The following IGF2 variants were observed in gnomAD, a reference collection of about 807,000 sequenced individuals.
IGF2 encodes insulin-like growth factor 2.
In IGF2, 2 loss-of-function variants were observed where a neutral mutation model predicts 12.0. That is an observed-to-expected ratio of 0.17 (90% CI 0.07 to 0.52). The LOEUF (loss-of-function observed/expected upper bound fraction) is 0.52. Among genes scored for constraint, IGF2 ranks in the 20% least tolerant of loss-of-function variants. The pLI, the probability that IGF2 is intolerant of heterozygous loss-of-function variation, is 0.95. For missense variants in IGF2, 211 were observed against 268.0 expected (o/e 0.79, Z 1.48); for synonymous variants, 105 against 110.1 (o/e 0.95, Z 0.29).
At chr11:2,140,706 C>T (rs777495683), upstream of IGF2, 27 of 458,572 alleles carry the variant, frequency 5.9e-5, 1 homozygote, top group South Asian at 3.9e-4. Flanking sequence ...AGCCGCCAGC[C>T]GCAAGTCCGC....
At chr11:2,143,723 C>G (rs1053786277), upstream of IGF2, among the ~76,000 whole-genome samples, 5 of 152,228 alleles carry the variant, frequency 3.3e-5, no homozygotes, top group African/African-American at 1.2e-4. Flanking sequence ...CGGAAATTAA[C>G]GTCCAAGAAA....
chr11:2,135,250 G>A (rs562350302), intron 2 of IGF2, 117 bp downstream of exon 2: 3 of 952,642 alleles, frequency 3.1e-6, no homozygotes, highest in Non-Finnish European at 4.6e-6. Flanking sequence ...CAAAGTCTCA[G>A]AGCAAGCGGC....
chr11:2,135,841 G>A (rs1165678492), intron 1 of IGF2, among the ~76,000 whole-genome samples: 5 of 152,166 alleles, frequency 3.3e-5, no homozygotes, highest in South Asian at 2.1e-4. Context: ...GGAGCTCAGC[G>A]GCATCCACAG....
In IGF2 at chr11:2,133,278, G is replaced by A; in HGVS notation, c.307-55C>T. The A allele has an allele frequency of 7.7e-7, 1 of 1,295,272 alleles. No individual in the cohort carries two copies. Among genetic ancestry groups the A allele is most frequent in the South Asian group, 1.5e-5 (1 of 68,510 alleles). The allele number at this position is 1,295,272 out of a possible 1,614,324, so 80.2% of individuals were successfully genotyped here. ...GCCTGCTCTCCACGCTCTTCCGCCT[G>A]AGCCGCCCGCCTGACCTGACAGGCC... On this transcript the variant is annotated intron_variant, in intron 3 of 3. Transcript: ENST00000416167. The surrounding 1 kb of genome is among the most constrained non-coding windows in gnomAD (Gnocchi z 8.9).
chr11:2,148,884 AGCC>A, the IGF2 span: 2 of 556,388 alleles, frequency 3.6e-6, no homozygotes, highest in Non-Finnish European at 3.2e-6. The surrounding 1 kb of genome is among the most constrained non-coding windows in gnomAD (Gnocchi z 4.3). Flanking sequence ...TCCTTGCAAA[AGCC>A]TCAGTGGCTT....
At chr11:2,136,631 T>G (rs1859078693) in intron 1 of IGF2, among the ~76,000 whole-genome samples, 1 of 152,260 alleles carries the variant, frequency 6.6e-6, no homozygotes, top group African/African-American at 2.4e-5. Flanking sequence ...CAATAAATTA[T>G]GTGAGCGACT....
At chr11:2,137,730 T>C (rs1241367119) in intron 1 of IGF2, among the ~76,000 whole-genome samples, 1 of 152,160 alleles carries the variant, frequency 6.6e-6, no homozygotes. Flanking sequence ...GTCGCGAATG[T>C]GGCGTCTGCC....
At chr11:2,145,312 G>C (rs567865802), upstream of IGF2, among the ~76,000 whole-genome samples, 11 of 152,332 alleles carry the variant, frequency 7.2e-5, no homozygotes, top group East Asian at 1.7e-3. Flanking sequence ...AGGAGCATTT[G>C]AAAGGTGCCT....
rs764594291 is a variant in IGF2 at position 2,129,240 on chromosome 11, A to T, written c.*3747T>A. The T allele has an allele frequency of 7.4e-5, 15 of 203,872 alleles. No individual in the cohort carries two copies. The highest frequency in any genetic ancestry group is 1.4e-4 in the Non-Finnish European group (14 of 99,436). 12.6% of individuals were successfully genotyped at this position (203,872 alleles called of 1,614,324 possible). On this transcript the variant is annotated 3_prime_UTR_variant, in exon 4 of 4. Transcript: ENST00000416167. The surrounding 1 kb of genome is among the most constrained non-coding windows in gnomAD (Gnocchi z 8.1). ...TGAGTTGAGTCAAACACGGGCCGCA[A>T]GGTGGACCGAGGCGGCAGGCACAGG...
At chr11:2,146,265 C>CTCCGCCG in the IGF2 span, 1 of 534,182 alleles carries the variant, frequency 1.9e-6, no homozygotes, top group Non-Finnish European at 3.8e-6. Context: ...GAGCTCACCG[C>CTCCGCCG]TCCGCCGTCC....
At chr11:2,139,469 C>CGCCCGCGCCAATGGGCGCCCGCGGA (rs1859385988), upstream of IGF2, 1 of 146,404 alleles carries the variant, frequency 6.8e-6, no homozygotes, top group Non-Finnish European at 1.5e-5. Flanking sequence ...GCTGGCCTCG[C>CGCCCGCGCCAATGGGCGCCCGCGGA]GCCCGCGCCA....
intron 2 of IGF2, chr11:2,134,107 G>A (rs757065698): frequency 1.2e-5 from 6 of 503,878 alleles, no homozygotes; most frequent in African/African-American, 1.0e-4. Context: ...CACCCCTGGA[G>A]CTGCTGAGAC....
Position 2,131,524 on chromosome 11 carries a change from C to T in IGF2, c.*1463G>A, listed in dbSNP as rs939330442. 2.6e-4 allele frequency: 59 copies of T among 225,062 alleles called. 1 individual carries two copies. The Middle Eastern group carries it at 4.0e-3, about 15-fold the overall frequency. The allele number at this position is 225,062 out of a possible 1,614,324, so 13.9% of individuals were successfully genotyped here. ...GTGAGCTGTGTTCATGTATGTGCTG[C>T]GCATGAGTGTGTGTGCTGTGTGTGC... is the stretch of plus-strand genomic sequence containing the variant. On this transcript the variant is annotated 3_prime_UTR_variant, in exon 4 of 4. Transcript: ENST00000416167.
intron 1 of IGF2, among the ~76,000 whole-genome samples, chr11:2,135,879 C>A (rs1858986749): frequency 6.6e-6 from 1 of 152,214 alleles, no homozygotes; most frequent in African/African-American, 2.4e-5. Context: ...GGACACCCGA[C>A]CTGGCCTCCG....
At chr11:2,135,630 G>T in intron 1 of IGF2, 101 bp from the exon 2 acceptor site, 1 of 979,550 alleles carries the variant, frequency 1.0e-6, no homozygotes, top group Non-Finnish European at 1.5e-6. Context: ...AAATTCAGTT[G>T]AAAATTGAAA....
At chr11:2,142,766 G>A (rs1327682822), upstream of IGF2, among the ~76,000 whole-genome samples, 1 of 152,190 alleles carries the variant, frequency 6.6e-6, no homozygotes, top group Non-Finnish European at 1.5e-5. This position sits in a 1 kb window ranked among gnomAD's most constrained non-coding sequence, Gnocchi z 5.7. Flanking sequence ...TTGGGAACTG[G>A]GGCCGTTAGC....
rs1858411198 is a variant in IGF2 at position 2,129,817 on chromosome 11, G to C, written c.*3170C>G. 1 of 232,226 alleles carries C rather than the reference G, an allele frequency of 4.3e-6. No homozygotes were observed. Among genetic ancestry groups the C allele is most frequent in the South Asian group, 1.8e-4 (1 of 5,538 alleles). The allele number at this position is 232,226 out of a possible 1,614,324, so 14.4% of individuals were successfully genotyped here. On this transcript the variant is annotated 3_prime_UTR_variant, in exon 4 of 4. Transcript: ENST00000416167. The surrounding 1 kb of genome is among the most constrained non-coding windows in gnomAD (Gnocchi z 8.1). ...GGCTGAGCTGGGGGCACAAGTGGGGGCGAGGTAAACCTCCCAGAGGCCGAG... is the reference window on the plus strand; with the variant it reads ...GGCTGAGCTGGGGGCACAAGTGGGGCCGAGGTAAACCTCCCAGAGGCCGAG...
chr11:2,136,811 C>T (rs991848146), intron 1 of IGF2, among the ~76,000 whole-genome samples: 1 of 152,266 alleles, frequency 6.6e-6, no homozygotes, highest in African/African-American at 2.4e-5. Context: ...CACACTCCGC[C>T]AGCTGGCCAC....
chr11:2,132,756 C>T lies in IGF2; in HGVS notation c.*231G>A. ...GAGGGTATGTGAAGGGTGTTTAAAG[C>T]CAATCGATTTTGTACATGTTTGAAG... On this transcript the variant is annotated 3_prime_UTR_variant, in exon 4 of 4. Transcript: ENST00000416167. 2.1e-6 allele frequency: 1 copy of T among 469,076 alleles called. No homozygotes were observed. The highest frequency in any genetic ancestry group is 3.8e-6 in the Non-Finnish European group (1 of 264,688). 29.1% of individuals were successfully genotyped at this position (469,076 alleles called of 1,614,324 possible).
Sources: allele counts gnomAD v4.1 joint callset (sites outside exome capture counted in the v4.1 genomes callset), GRCh38; gene constraint gnomAD v4.1.1; non-coding constraint Gnocchi (gnomAD v3.1); transcripts MANE v1.5; gene names NCBI Gene and HGNC (gene_info 2026-07-23, HGNC 2026-07-21).